SGCZ: variants seen among roughly 807,000 people sequenced by gnomAD.
SGCZ encodes sarcoglycan zeta, also known as zeta-sarcoglycan.
In SGCZ, 40 loss-of-function variants were observed where a neutral mutation model predicts 41.3. The observed-to-expected ratio is 0.97, with a 90% CI of 0.75 to 1.26. SGCZ has a LOEUF of 1.26. SGCZ is among the 50% of genes most tolerant of loss of function. SGCZ has a pLI of 0.00. For synonymous variants in SGCZ, 206 were observed against 137.5 expected, an observed-to-expected ratio of 1.50 and a Z score of -3.49; for missense variants, 552 against 369.8, an observed-to-expected ratio of 1.49 and a Z score of -4.04.
chr8:15,064,534 CAAAAAAAAAAAA>C (rs199980199), intron 1 of SGCZ, among the ~76,000 whole-genome samples: 24,965 of 131,994 alleles, frequency 0.19, 2,613 homozygotes, highest in African/African-American at 0.36. Context: ...CCAGGCCTCT[CAAAAAAAAAAAA>C]AAAAAAAAAA....
intron 1 of SGCZ, among the ~76,000 whole-genome samples, chr8:14,782,415 A>G (rs898376148): frequency 2.6e-5 from 4 of 152,090 alleles, no homozygotes; most frequent in Non-Finnish European, 4.4e-5. Context: ...CTTTTTGTTC[A>G]TGTATCTGTG....
At chr8:15,154,146 G>C (rs907497284) in intron 1 of SGCZ, among the ~76,000 whole-genome samples, 1 of 152,140 alleles carries the variant, frequency 6.6e-6, no homozygotes, top group African/African-American at 2.4e-5. Flanking sequence ...ACTGGGGGTT[G>C]GGGACTCCTG....
At chr8:14,710,100 C>T (rs1809465254) in intron 1 of SGCZ, among the ~76,000 whole-genome samples, 1 of 152,084 alleles carries the variant, frequency 6.6e-6, no homozygotes, top group Non-Finnish European at 1.5e-5. Flanking sequence ...GGCGCGGTGG[C>T]TCACGCCTGT....
intron 1 of SGCZ, among the ~76,000 whole-genome samples, chr8:14,611,757 T>G (rs1038525840): frequency 2.0e-5 from 3 of 152,102 alleles, no homozygotes; most frequent in Admixed American, 2.0e-4. Flanking sequence ...CACAAAAGAC[T>G]GGAAACAATA....
At chr8:14,840,584 A>G (rs539934144) in intron 1 of SGCZ, among the ~76,000 whole-genome samples, 1 of 152,156 alleles carries the variant, frequency 6.6e-6, no homozygotes, top group East Asian at 1.9e-4. Flanking sequence ...ATCAGAATCA[A>G]TGTCAAAGAA....
chr8:14,743,065 G>T (rs909611499), intron 1 of SGCZ, among the ~76,000 whole-genome samples: 6 of 151,960 alleles, frequency 3.9e-5, no homozygotes, highest in Non-Finnish European at 8.8e-5. Flanking sequence ...AAAAGACTGC[G>T]TGGATTTTCT....
chr8:14,456,281 G>T (rs772678438), intron 2 of SGCZ, among the ~76,000 whole-genome samples: 1 of 152,064 alleles, frequency 6.6e-6, no homozygotes, highest in African/African-American at 2.4e-5. Flanking sequence ...GGTGGTGCAC[G>T]CCTATAATCC....
At chr8:14,216,419 G>C (rs13266345) in intron 4 of SGCZ, among the ~76,000 whole-genome samples, 11,140 of 146,876 alleles carry the variant, frequency 0.076, 534 homozygotes, top group African/African-American at 0.12. Context: ...GCGTTACTCG[G>C]ATAACAAATC....
At chr8:15,149,179 T>G (rs543912364) in intron 1 of SGCZ, among the ~76,000 whole-genome samples, 1 of 152,268 alleles carries the variant, frequency 6.6e-6, no homozygotes, top group East Asian at 1.9e-4. Flanking sequence ...TATTCTTATT[T>G]TTTTTTATTA....
chr8:15,086,955 A>T (rs1041532347), intron 1 of SGCZ, among the ~76,000 whole-genome samples: 2 of 152,106 alleles, frequency 1.3e-5, no homozygotes, highest in Non-Finnish European at 2.9e-5. Flanking sequence ...TTTTGGTGAA[A>T]AGGAAATGAT....
intron 1 of SGCZ, among the ~76,000 whole-genome samples, chr8:15,079,922 C>G (rs1361386184): frequency 6.6e-6 from 1 of 152,120 alleles, no homozygotes; most frequent in African/African-American, 2.4e-5. Flanking sequence ...TCCACTGTTT[C>G]CATTTTTGGG....
At chr8:14,864,147 T>A (rs969761566) in intron 1 of SGCZ, among the ~76,000 whole-genome samples, 1 of 152,160 alleles carries the variant, frequency 6.6e-6, no homozygotes, top group African/African-American at 2.4e-5. Flanking sequence ...CAAAACATCA[T>A]TGGATTTTCA....
chr8:15,144,690 A>G lies in SGCZ; in HGVS notation c.39+92895T>C, dbSNP rs536529610. On this transcript the variant is annotated intron_variant, in intron 1 of 7. Coordinates refer to ENST00000382080, the MANE Select transcript of SGCZ (RefSeq NM_139167.4). ...ATGCTATTCTCGAACTCCCGACCTCAGGTGGTCTGCCCATCTTTGGCCTCC... is the reference window on the plus strand; with the variant it reads ...ATGCTATTCTCGAACTCCCGACCTCGGGTGGTCTGCCCATCTTTGGCCTCC... Among the ~76,000 whole-genome samples, 5 of 152,182 alleles carry G rather than the reference A, an allele frequency of 3.3e-5. No homozygotes were observed. In the East Asian group the frequency reaches 9.6e-4, roughly 29 times the overall value.
intron 5 of SGCZ, among the ~76,000 whole-genome samples, chr8:14,155,318 C>A (rs1010103925): frequency 6.6e-6 from 1 of 152,024 alleles, no homozygotes. Flanking sequence ...CTTCCTTTAA[C>A]GTCTTATCAG....
At chr8:15,204,738 T>A (rs1801006803) in intron 1 of SGCZ, among the ~76,000 whole-genome samples, 1 of 152,154 alleles carries the variant, frequency 6.6e-6, no homozygotes, top group South Asian at 2.1e-4. Context: ...ATAATATTAA[T>A]CATCTCTACT....
chr8:15,193,929 T>A (rs2117116829), intron 1 of SGCZ, among the ~76,000 whole-genome samples: 1 of 152,190 alleles, frequency 6.6e-6, no homozygotes, highest in Non-Finnish European at 1.5e-5. Context: ...CTCAAACATG[T>A]TCTTATCTTA....
At chr8:14,440,767 A>ATATATGTATATACATACGTATACACG (rs1376646363) in intron 2 of SGCZ, among the ~76,000 whole-genome samples, 15 of 147,588 alleles carry the variant, frequency 1.0e-4, no homozygotes, top group African/African-American at 3.3e-4. Flanking sequence ...ACGTATATGT[A>ATATATGTATATACATACGTATACACG]TATATGTATA....
chr8:14,377,966 T>C (rs1804198799), intron 2 of SGCZ, among the ~76,000 whole-genome samples: 1 of 150,206 alleles, frequency 6.7e-6, no homozygotes, highest in Admixed American at 6.6e-5. Context: ...TCTTTGCTAT[T>C]GTGAATAGTG....
intron 1 of SGCZ, among the ~76,000 whole-genome samples, chr8:15,124,633 C>A (rs921650716): frequency 2.0e-5 from 3 of 152,176 alleles, no homozygotes; most frequent in African/African-American, 7.2e-5. Context: ...AAAATATCAT[C>A]CAAGCTCCTG....
Sources: allele counts gnomAD v4.1 joint callset (sites outside exome capture counted in the v4.1 genomes callset), GRCh38; gene constraint gnomAD v4.1.1; transcripts MANE v1.5; gene names NCBI Gene and HGNC (gene_info 2026-07-23, HGNC 2026-07-21).